The following CDH18 variants were observed in gnomAD, a reference collection of about 807,000 sequenced individuals.
CDH18 encodes cadherin-18.
A neutral mutation model predicts 67.9 loss-of-function variants in CDH18; 31 were observed. The ratio of observed to expected loss-of-function variants is 0.46; its 90% CI spans 0.34 to 0.62. The LOEUF (loss-of-function observed/expected upper bound fraction) is 0.62, where lower values mean the gene tolerates loss of function less well. CDH18 is among the 20% of genes least tolerant of loss of function. CDH18 has a pLI of 0.01. For missense variants in CDH18, 890 were observed against 975.5 expected (o/e 0.91, Z 1.17); for synonymous variants, 362 against 347.2 (o/e 1.04, Z -0.48).
intron 1 of CDH18, chr5:20,304,803 C>A: frequency 6.2e-7 from 1 of 1,610,978 alleles, no homozygotes. Context: ...GTGTTTCAGC[C>A]GCAGCTTTGT....
chr5:20,525,235 A>C (rs974868086), intron 1 of CDH18, among the ~76,000 whole-genome samples: 2 of 152,134 alleles, frequency 1.3e-5, no homozygotes, highest in African/African-American at 4.8e-5. Context: ...TCACTACCAA[A>C]GGTCTGAGAT....
intron 2 of CDH18, among the ~76,000 whole-genome samples, chr5:20,035,758 T>C (rs191939060): frequency 1.1e-4 from 16 of 152,110 alleles, no homozygotes; most frequent in Admixed American, 3.9e-4. Context: ...TCATCTTTTT[T>C]TAAAAGAGAA....
intron 2 of CDH18, among the ~76,000 whole-genome samples, chr5:19,974,522 A>G (rs919110049): frequency 3.1e-5 from 1 of 32,376 alleles, no homozygotes; most frequent in Non-Finnish European, 6.8e-5. Flanking sequence ...CTGTCTCCCA[A>G]AAAAAAAAAA....
chr5:19,684,009 C>A (rs1351900148), intron 5 of CDH18, among the ~76,000 whole-genome samples: 1 of 152,084 alleles, frequency 6.6e-6, no homozygotes, highest in Non-Finnish European at 1.5e-5. Context: ...CTGCTCTAAT[C>A]CTCAGAGTTG....
chr5:20,053,300 A>C (rs931386717), intron 2 of CDH18, among the ~76,000 whole-genome samples: 2 of 151,372 alleles, frequency 1.3e-5, no homozygotes, highest in Non-Finnish European at 2.9e-5. Flanking sequence ...TATATGTAGT[A>C]TATATAGCAT....
At chr5:20,228,906 C>A (rs1258757338) in intron 2 of CDH18, among the ~76,000 whole-genome samples, 1 of 152,072 alleles carries the variant, frequency 6.6e-6, no homozygotes, top group African/African-American at 2.4e-5. Context: ...GAATGGACAT[C>A]AGTCTTTTGT....
intron 2 of CDH18, among the ~76,000 whole-genome samples, chr5:20,029,308 T>C (rs1263338475): frequency 6.6e-6 from 1 of 152,158 alleles, no homozygotes; most frequent in Non-Finnish European, 1.5e-5. Flanking sequence ...TAGATGCTTA[T>C]AGTAAAGCTT....
intron 5 of CDH18, among the ~76,000 whole-genome samples, chr5:19,703,481 G>T (rs943624547): frequency 6.6e-6 from 1 of 152,138 alleles, no homozygotes; most frequent in Non-Finnish European, 1.5e-5. Context: ...AGCGGCAAAG[G>T]AGGGAGAGGT....
chr5:19,613,207 G>A (rs1749282406), intron 5 of CDH18, among the ~76,000 whole-genome samples: 2 of 152,044 alleles, frequency 1.3e-5, no homozygotes, highest in South Asian at 2.1e-4. Flanking sequence ...CCTATTCCTA[G>A]TGCTAGTGTG....
intron 1 of CDH18, among the ~76,000 whole-genome samples, chr5:20,411,414 A>G (rs1442448771): frequency 1.3e-5 from 2 of 151,782 alleles, no homozygotes; most frequent in South Asian, 2.1e-4. Flanking sequence ...AAAGTCTCTT[A>G]ACTAACTGTA....
intron 2 of CDH18, among the ~76,000 whole-genome samples, chr5:20,029,279 C>A (rs1431130136): frequency 6.6e-6 from 1 of 152,078 alleles, no homozygotes; most frequent in Non-Finnish European, 1.5e-5. Flanking sequence ...CAAAGAGATT[C>A]TTCGTGGTCA....
At position 19,712,017 on chromosome 5, in the gene CDH18, C is replaced by T. The variant is rs190175800; in HGVS notation, c.643+9330G>A. Among the ~76,000 whole-genome samples the T allele has an allele frequency of 7.9e-3, 1,198 of 152,038 alleles. 9 individuals carry two copies. Among genetic ancestry groups the T allele is most frequent in the Middle Eastern group, 0.037 (11 of 294 alleles). ...ATCATGTCTTTTGCAGGAACATAGA[C>T]GGAACTGGAAGCCATTATCTTAAGT... On this transcript the variant is annotated intron_variant, in intron 5 of 12. Transcript: ENST00000382275.
At chr5:20,525,918 C>G (rs916962066) in intron 1 of CDH18, among the ~76,000 whole-genome samples, 1 of 152,072 alleles carries the variant, frequency 6.6e-6, no homozygotes, top group African/African-American at 2.4e-5. Flanking sequence ...CCAAATGTAT[C>G]CTTCTCTGAA....
chr5:20,102,549 C>T (rs1746566148), intron 2 of CDH18, among the ~76,000 whole-genome samples: 1 of 152,172 alleles, frequency 6.6e-6, no homozygotes, highest in Non-Finnish European at 1.5e-5. Context: ...CTGTGTCAGA[C>T]TCTTGCAGAA....
At chr5:20,491,777 T>C (rs1361214158) in intron 1 of CDH18, among the ~76,000 whole-genome samples, 1 of 152,270 alleles carries the variant, frequency 6.6e-6, no homozygotes, top group East Asian at 1.9e-4. Flanking sequence ...AAAAACACTT[T>C]CGCAAAAACA....
intron 7 of CDH18, among the ~76,000 whole-genome samples, chr5:19,580,974 G>A (rs62349549): frequency 0.065 from 9,824 of 151,866 alleles, 344 homozygotes; most frequent in Non-Finnish European, 0.074. Context: ...AGTTAAAAAT[G>A]AGCTGATACA....
chr5:19,590,035 T>C (rs1410739849), intron 7 of CDH18, among the ~76,000 whole-genome samples: 2 of 152,130 alleles, frequency 1.3e-5, no homozygotes, highest in African/African-American at 2.4e-5. Context: ...TTAATGTCTG[T>C]CCACGTCCAT....
At chr5:19,846,247 C>A (rs1782934715) in intron 2 of CDH18, among the ~76,000 whole-genome samples, 2 of 152,016 alleles carry the variant, frequency 1.3e-5, no homozygotes, top group South Asian at 4.1e-4. Context: ...CTATTTTAAG[C>A]TGATAACAAA....
intron 2 of CDH18, among the ~76,000 whole-genome samples, chr5:20,158,366 A>G (rs1751720482): frequency 6.6e-6 from 1 of 152,192 alleles, no homozygotes; most frequent in Non-Finnish European, 1.5e-5. Flanking sequence ...GTAATTCCAT[A>G]AAGTCTTTGT....
Sources: gnomAD v4.1 joint callset for allele counts (sites outside exome capture counted in the v4.1 genomes callset) on GRCh38, gnomAD v4.1.1 for gene constraint, MANE v1.5 for transcripts, NCBI Gene and HGNC (gene_info 2026-07-23, HGNC 2026-07-21) for gene names.